The following CFDP1 variants were observed in gnomAD, a reference collection of about 807,000 sequenced individuals.
The protein encoded by CFDP1 is heterochromatin-stabilizing protein CFDP1.
A neutral mutation model predicts 40.1 loss-of-function variants in CFDP1; 31 were observed. The observed-to-expected ratio is 0.77, with a 90% confidence interval of 0.58 to 1.04. The LOEUF (loss-of-function observed/expected upper bound fraction) is 1.04, where lower values mean the gene tolerates loss of function less well. Ranked by LOEUF, CFDP1 falls within the 50% of genes least tolerant of loss-of-function variation. The pLI is 0.00. For synonymous variants in CFDP1, 167 were observed against 120.0 expected, an observed-to-expected ratio of 1.39 and a Z score of -2.56; for missense variants, 423 against 343.4, an observed-to-expected ratio of 1.23 and a Z score of -1.83.
intron 5 of CFDP1, among the ~76,000 whole-genome samples, chr16:75,356,697 T>C (rs2078645996): frequency 6.6e-6 from 1 of 152,142 alleles, no homozygotes; most frequent in Non-Finnish European, 1.5e-5. Context: ...AAGTCCTAGA[T>C]GGCATCTTCT....
chr16:75,357,100 A>T (rs1295016525), intron 5 of CFDP1, among the ~76,000 whole-genome samples: 1 of 151,564 alleles, frequency 6.6e-6, no homozygotes, highest in Non-Finnish European at 1.5e-5. Flanking sequence ...TTTAGTAGAG[A>T]TGGGCTTTTG....
chr16:75,388,715 G>A (rs2078921444), intron 5 of CFDP1, among the ~76,000 whole-genome samples: 2 of 152,332 alleles, frequency 1.3e-5, no homozygotes, highest in South Asian at 2.1e-4. Flanking sequence ...AGACTCTGCT[G>A]AACAAACCAA....
chr16:75,374,932 C>G (rs192708220), intron 5 of CFDP1, among the ~76,000 whole-genome samples: 1 of 152,198 alleles, frequency 6.6e-6, no homozygotes, highest in African/African-American at 2.4e-5. Context: ...TAGCTAGTGA[C>G]TACTCTACTG....
chr16:75,316,791 G>C (rs1443014720), intron 5 of CFDP1, among the ~76,000 whole-genome samples: 1 of 151,926 alleles, frequency 6.6e-6, no homozygotes, highest in African/African-American at 2.4e-5. Flanking sequence ...CCAACACAGA[G>C]AAACCCCATC....
chr16:75,346,109 C>T (rs2078561871), intron 5 of CFDP1, among the ~76,000 whole-genome samples: 1 of 152,140 alleles, frequency 6.6e-6, no homozygotes, highest in South Asian at 2.1e-4. Context: ...CTTCACTGTG[C>T]TTAAATTCTG....
At chr16:75,424,155 T>C (rs984170730) in intron 1 of CFDP1, among the ~76,000 whole-genome samples, 2 of 152,174 alleles carry the variant, frequency 1.3e-5, no homozygotes, top group African/African-American at 4.8e-5. Flanking sequence ...GGGGAACTTA[T>C]CTAACATGAT....
chr16:75,411,021 C>G (rs2079157818), intron 4 of CFDP1, among the ~76,000 whole-genome samples: 1 of 151,758 alleles, frequency 6.6e-6, no homozygotes, highest in African/African-American at 2.4e-5. Context: ...GAGTTCAAGA[C>G]CAGCCTGGCC....
intron 5 of CFDP1, among the ~76,000 whole-genome samples, chr16:75,383,759 C>T (rs1321713252): frequency 4.8e-5 from 7 of 145,432 alleles, no homozygotes. Context: ...GTGGAGGTTG[C>T]AGTAAGCCGA....
chr16:75,413,488 G>C (rs985860958), intron 2 of CFDP1, among the ~76,000 whole-genome samples: 1 of 151,036 alleles, frequency 6.6e-6, no homozygotes, highest in African/African-American at 2.4e-5. Context: ...AGGAGGCGGA[G>C]GTTGCATTGA....
intron 5 of CFDP1, among the ~76,000 whole-genome samples, chr16:75,391,698 G>C (rs4888400): frequency 0.52 from 79,052 of 152,024 alleles, 21,585 homozygotes; most frequent in Admixed American, 0.64. Context: ...GGGTGGCCAG[G>C]TGTGGTGGCT....
chr16:75,333,936 G>T (rs1051783075), intron 5 of CFDP1, among the ~76,000 whole-genome samples: 1 of 152,294 alleles, frequency 6.6e-6, no homozygotes, highest in African/African-American at 2.4e-5. Context: ...AGAGCAAGGC[G>T]TGAAGATGCC....
intron 4 of CFDP1, among the ~76,000 whole-genome samples, chr16:75,400,963 T>C (rs1456209450): frequency 6.6e-6 from 1 of 152,106 alleles, no homozygotes; most frequent in Non-Finnish European, 1.5e-5. Context: ...AGGATAGGCT[T>C]CCATAAAAAA....
rs901341883 is a variant in CFDP1 at position 75,423,768 on chromosome 16, C to G, written c.65-9073G>C. 6.6e-5 allele frequency among the ~76,000 whole-genome samples: 10 copies of G among 152,254 alleles called. No individual in the cohort carries two copies. In the South Asian group the frequency reaches 1.9e-3, roughly 28 times the overall value. On this transcript the variant is annotated intron_variant, in intron 1 of 6. Transcript: ENST00000283882. ...TGACCTTGAGATCCGCCCACCTCGG[C>G]CTCCCAGGTTGGTCTTTAACTCCTG...
chr16:75,363,363 AG>A (rs936085898), intron 5 of CFDP1, among the ~76,000 whole-genome samples: 1 of 151,148 alleles, frequency 6.6e-6, no homozygotes, highest in Non-Finnish European at 1.5e-5. Flanking sequence ...ACAATCTATG[AG>A]GAATGAGAAC....
rs146824267 is a variant in CFDP1, at chr16:75,349,698, T to TATATATATATATATATAC, written c.651-44517_651-44516insGTATATATATATATATAT. On this transcript the variant is annotated intron_variant, in intron 5 of 6. Transcript: ENST00000283882. ...AAAAAAAAAAAAAAAAAAATATATA[T>TATATATATATATATATAC]ACATACATATATACGGTTGATTTTT... Among the ~76,000 whole-genome samples the TATATATATATATATATAC allele has an allele frequency of 7.9e-4, 38 of 47,886 alleles. 3 individuals carry two copies. Among genetic ancestry groups the TATATATATATATATATAC allele is most frequent in the Middle Eastern group, 0.028 (2 of 72 alleles). 31.4% of individuals were successfully genotyped at this position (47,886 alleles called of 152,430 possible). A position where few individuals can be genotyped will look rare whatever the true frequency, so the allele number is the denominator to read the frequency against.
At chr16:75,420,111 C>CAAAAAA (rs10706144) in intron 1 of CFDP1, among the ~76,000 whole-genome samples, 2 of 62,630 alleles carry the variant, frequency 3.2e-5, no homozygotes, top group Non-Finnish European at 6.0e-5. Context: ...ACCTTCATCT[C>CAAAAAA]AAAAAAAAAA....
At chr16:75,344,956 AAAAG>A (rs745844429) in intron 5 of CFDP1, among the ~76,000 whole-genome samples, 102 of 152,202 alleles carry the variant, frequency 6.7e-4, no homozygotes, top group Non-Finnish European at 1.0e-3. Context: ...AAGAAAGAAA[AAAAG>A]AAAGAACATT....
rs1468222233 is a variant in CFDP1, at chr16:75,411,939, G to A, written c.416C>T (p.Thr139Ile). Residue 139 changes from threonine (T) to isoleucine (I), a missense_variant, in exon 4 of 7, where the codon ACT (threonine) becomes ATT (isoleucine). By Grantham distance (89) the Thr-to-Ile change is moderately conservative (BLOSUM62 -1). Transcript: ENST00000283882. ...PSTQVKKGEE[T>I]EETSSSKLLV... The stretch of plus-strand genomic sequence containing the variant: ...CAATTTACTTGAACTTGTCTCTTCA[G>A]TCTCCTCTCCTTTCTATAAAAAAAA... 1.3e-5 allele frequency: 21 copies of A among 1,607,026 alleles called. No homozygotes were observed. Among genetic ancestry groups the A allele is most frequent in the Non-Finnish European group, 1.8e-5 (21 of 1,178,308 alleles).
At chr16:75,353,791 A>T (rs900353863) in intron 5 of CFDP1, among the ~76,000 whole-genome samples, 1 of 148,866 alleles carries the variant, frequency 6.7e-6, no homozygotes, top group Non-Finnish European at 1.5e-5. Flanking sequence ...TTAATGGTTA[A>T]TTACTGAAGT....
Sources: gnomAD v4.1 joint callset for allele counts (sites outside exome capture counted in the v4.1 genomes callset) on GRCh38, gnomAD v4.1.1 for gene constraint, MANE v1.5 for transcripts, NCBI Gene and HGNC (gene_info 2026-07-23, HGNC 2026-07-21) for gene names.